CPAP: variants seen among roughly 807,000 people sequenced by gnomAD.
CPAP encodes the protein centrosomal P4.1-associated protein.
the CPAP span, among the ~76,000 whole-genome samples, chr13:24,931,350 G>C: frequency 1.8e-5 from 1 of 55,700 alleles, no homozygotes; most frequent in Non-Finnish European, 3.1e-5. Flanking sequence ...GTTGAAGATT[G>C]GACATTTTGA....
At chr13:24,916,920 T>C in the CPAP span, among the ~76,000 whole-genome samples, 1 of 152,128 alleles carries the variant, frequency 6.6e-6, no homozygotes, top group Non-Finnish European at 1.5e-5. Flanking sequence ...AAAGACCAAG[T>C]GCACAGTAGT....
chr13:24,917,383 GTTAA>G, the CPAP span, among the ~76,000 whole-genome samples: 2 of 152,088 alleles, frequency 1.3e-5, no homozygotes, highest in Non-Finnish European at 2.9e-5. Flanking sequence ...TTTAATTAAA[GTTAA>G]TTAAATTTAA....
chr13:24,923,235 T>C, the CPAP span, among the ~76,000 whole-genome samples: 1 of 132,806 alleles, frequency 7.5e-6, no homozygotes, highest in East Asian at 2.2e-4. Flanking sequence ...AGGAGGTGTT[T>C]TGGGTTTTGT....
chr13:24,915,097 T>A, the CPAP span, among the ~76,000 whole-genome samples: 2 of 147,920 alleles, frequency 1.4e-5, no homozygotes, highest in South Asian at 2.2e-4. Context: ...ATTAATTAAT[T>A]AATAATAAAT....
chr13:24,884,457 T>C, the CPAP span: 1 of 1,614,056 alleles, frequency 6.2e-7, no homozygotes, highest in Non-Finnish European at 8.5e-7. Context: ...TTATAAACCT[T>C]TTCCACCTAA....
chr13:24,903,802 T>C, the CPAP span: 4 of 1,106,196 alleles, frequency 3.6e-6, no homozygotes, highest in Admixed American at 1.7e-5. Context: ...ATGATACAGA[T>C]TTCACCTCCT....
At chr13:24,929,106 T>C in the CPAP span, among the ~76,000 whole-genome samples, 3 of 152,224 alleles carry the variant, frequency 2.0e-5, no homozygotes, top group African/African-American at 4.8e-5. Flanking sequence ...CTCTATCACC[T>C]GGGCTGGAGG....
chr13:24,922,665 C>G, the CPAP span: 1 of 152,494 alleles, frequency 6.6e-6, no homozygotes, highest in Non-Finnish European at 1.5e-5. Context: ...GAGCCAACCC[C>G]GAGGTCCGAG....
At chr13:24,922,201 T>G in the CPAP span, among the ~76,000 whole-genome samples, 1 of 152,124 alleles carries the variant, frequency 6.6e-6, no homozygotes. Flanking sequence ...TTTAAAGCAG[T>G]ATTGAAAAAA....
At chr13:24,913,564 T>G in the CPAP span, among the ~76,000 whole-genome samples, 1 of 152,158 alleles carries the variant, frequency 6.6e-6, no homozygotes, top group African/African-American at 2.4e-5. Flanking sequence ...ACCTGTCCCT[T>G]CCTCTCTCGT....
chr13:24,883,883 G>T, the CPAP span: 5 of 1,551,956 alleles, frequency 3.2e-6, no homozygotes, highest in African/African-American at 2.7e-5. Flanking sequence ...CATCAGAAAC[G>T]CAAGGCTGGG....
chr13:24,924,068 C>T, the CPAP span, among the ~76,000 whole-genome samples: 7 of 152,080 alleles, frequency 4.6e-5, no homozygotes, highest in African/African-American at 1.7e-4. Context: ...CTTCTGACCT[C>T]GTGATCCGCC....
chr13:24,885,953 C>T, the CPAP span: 1 of 455,898 alleles, frequency 2.2e-6, no homozygotes, highest in South Asian at 2.2e-5. Flanking sequence ...GAGACAATCA[C>T]AAGGTGTAAG....
the CPAP span, chr13:24,884,121 G>A: frequency 1.3e-6 from 2 of 1,593,920 alleles, no homozygotes; most frequent in Non-Finnish European, 1.7e-6. Flanking sequence ...TTTTTTGAAG[G>A]AAGGGAAGAA....
the CPAP span, among the ~76,000 whole-genome samples, chr13:24,908,759 A>T: frequency 7.2e-6 from 1 of 138,026 alleles, no homozygotes; most frequent in Non-Finnish European, 1.5e-5. Flanking sequence ...TGGATCCTTT[A>T]AAAAAAAAGC....
the CPAP span, among the ~76,000 whole-genome samples, chr13:24,921,686 A>C: frequency 6.6e-6 from 1 of 152,112 alleles, no homozygotes; most frequent in Admixed American, 6.5e-5. Flanking sequence ...TTAGCAGAAA[A>C]TCTTTCGAAA....
At chr13:24,912,947 C>T in the CPAP span, 1 of 1,614,176 alleles carries the variant, frequency 6.2e-7, no homozygotes, top group African/African-American at 1.3e-5. Context: ...ATGACCCCAG[C>T]CCGAGAAGGA....
the CPAP span, chr13:24,904,174 G>T: frequency 8.4e-7 from 1 of 1,183,546 alleles, no homozygotes; most frequent in Non-Finnish European, 1.2e-6. Flanking sequence ...CTATTAAAAT[G>T]CATTAGAAAC....
At chr13:24,905,883 C>T in the CPAP span, 2 of 1,614,160 alleles carry the variant, frequency 1.2e-6, no homozygotes, top group Admixed American at 1.7e-5. Flanking sequence ...TCTCTATCCT[C>T]AGTCGATGGT....
Sources: gnomAD v4.1 joint callset for allele counts (sites outside exome capture counted in the v4.1 genomes callset) on GRCh38, gnomAD v4.1.1 for gene constraint, MANE v1.5 for transcripts, NCBI Gene and HGNC (gene_info 2026-07-23, HGNC 2026-07-21) for gene names.